Variants in SMC6 observed in about 807,000 individuals in gnomAD.
SMC6 encodes the protein structural maintenance of chromosomes protein 6.
A neutral mutation model predicts 142.2 loss-of-function variants in SMC6; 79 were observed. The ratio of observed to expected loss-of-function variants is 0.56; its 90% CI spans 0.46 to 0.67. The LOEUF (loss-of-function observed/expected upper bound fraction) is 0.67. Among genes scored for constraint, SMC6 ranks in the 30% least tolerant of loss-of-function variants. SMC6 has a pLI of 0.00. For missense variants in SMC6, 1,072 were observed against 1,284.0 expected (o/e 0.83, Z 2.52); for synonymous variants, 411 against 412.4 (o/e 1.00, Z 0.04).
intron 25 of SMC6, among the ~76,000 whole-genome samples, chr2:17,677,363 CACA>C (rs1667039564): frequency 6.6e-6 from 1 of 152,098 alleles, no homozygotes; most frequent in Non-Finnish European, 1.5e-5. Context: ...GCCAACTGTG[CACA>C]ACATCAGAAC....
intron 7 of SMC6, among the ~76,000 whole-genome samples, chr2:17,729,862 G>A (rs544788109): frequency 2.0e-5 from 3 of 152,242 alleles, no homozygotes; most frequent in Admixed American, 1.3e-4. Context: ...AGTTAGTCAA[G>A]AACCACATGT....
chr2:17,741,646 A>G lies in SMC6; in HGVS notation c.204T>C (p.Gly68=). Residue 68 remains glycine (G), a synonymous_variant, in exon 4 of 28, where the codon GGT becomes GGC. Coordinates refer to ENST00000448223, the MANE Select transcript of SMC6 (RefSeq NM_001142286.2). ...CHSMLGPFKF[G]SNVNFVVGNN... ...TGCCAACAACAAAGTTGACATTAGA[A>G]CCAAACTTAAAAGGTCCAAGCATTG... 1 of 1,611,702 alleles carries G rather than the reference A, an allele frequency of 6.2e-7. No individual in the cohort carries two copies. The highest frequency in any genetic ancestry group is 8.5e-7 in the Non-Finnish European group (1 of 1,179,190).
chr2:17,672,909 T>A (rs1666831323), intron 25 of SMC6, among the ~76,000 whole-genome samples: 1 of 152,212 alleles, frequency 6.6e-6, no homozygotes, highest in Non-Finnish European at 1.5e-5. Context: ...TTCAAATATA[T>A]CTGTTTGAGA....
chr2:17,739,385 C>A (rs1384048418), intron 4 of SMC6, among the ~76,000 whole-genome samples: 1 of 152,118 alleles, frequency 6.6e-6, no homozygotes, highest in Admixed American at 6.5e-5. Flanking sequence ...TGGTTCACGC[C>A]TGTAATCACA....
chr2:17,713,391 C>A, intron 16 of SMC6: 1 of 450,998 alleles, frequency 2.2e-6, no homozygotes, highest in Non-Finnish European at 4.5e-6. Flanking sequence ...TCACCTACTT[C>A]CAAGAAAACT....
At chr2:17,706,714 G>A (rs921631916) in intron 18 of SMC6, among the ~76,000 whole-genome samples, 4 of 151,780 alleles carry the variant, frequency 2.6e-5, no homozygotes, top group East Asian at 1.9e-4. Flanking sequence ...ATAGTTTTTC[G>A]TTTAACTTCT....
chr2:17,698,456 AC>A (rs1285783368), intron 21 of SMC6, among the ~76,000 whole-genome samples: 1 of 151,894 alleles, frequency 6.6e-6, no homozygotes, highest in Non-Finnish European at 1.5e-5. Flanking sequence ...GGTGGACTGA[AC>A]CTTTTGTCAT....
At chr2:17,740,715 C>A (rs72497314) in intron 4 of SMC6, 4 of 446,800 alleles carry the variant, frequency 9.0e-6, no homozygotes, top group South Asian at 4.7e-5. Flanking sequence ...ATTAGCCAGG[C>A]TTGAAGGCAC....
At chr2:17,692,109 T>C (rs1667761164) in intron 23 of SMC6, among the ~76,000 whole-genome samples, 1 of 152,094 alleles carries the variant, frequency 6.6e-6, no homozygotes, top group Admixed American at 6.5e-5. Context: ...AGAATCAATA[T>C]CGTGAAAATG....
In SMC6 at chr2:17,700,317, T is replaced by G. The variant is rs1668207589; in HGVS notation, c.2285A>C (p.Gln762Pro). ...TTTAAGATGCTCCATATTTTCTTTT[T>G]GTTGCTCCATATGTTCCTCAACCAT... The part of the protein sequence containing the change: ...MKMVEEHMEQ[Q>P]KENMEHLKSL... Residue 762 changes from glutamine to proline, a missense_variant, in exon 21 of 28, where the codon CAA becomes CCA. By Grantham distance (76) the Gln-to-Pro change is moderately conservative. Transcript: ENST00000448223. 2 of 1,611,794 alleles carry G rather than the reference T, an allele frequency of 1.2e-6. No individual in the cohort carries two copies. Among genetic ancestry groups the G allele is most frequent in the East Asian group, 4.5e-5 (2 of 44,580 alleles).
At position 17,707,318 on chromosome 2, in the gene SMC6, G is replaced by A; in HGVS notation, c.1907C>T (p.Ala636Val). 1.9e-6 allele frequency: 3 copies of A among 1,603,388 alleles called. No homozygotes were observed. The highest frequency in any genetic ancestry group is 1.7e-6 in the Non-Finnish European group (2 of 1,175,340). The change falls in exon 18 of 28, where the codon GCT becomes GTT. Residue 636 changes from alanine (A) to valine (V), a missense_variant. Coordinates refer to ENST00000448223, the MANE Select transcript of SMC6 (RefSeq NM_001142286.2). ...AACTTGATCACCATCAGCAGTAAAAGCTTCTCTACAATTTTTGGGTGGCTT... is the reference window on the plus strand; with the variant it reads ...AACTTGATCACCATCAGCAGTAAAAACTTCTCTACAATTTTTGGGTGGCTT... ...SQKPPKNCRE[A>V]FTADGDQVFA... is the part of the protein sequence containing the mutation.
At chr2:17,701,677 G>A (rs1668278808) in intron 20 of SMC6, 152 bp downstream of exon 20, 1 of 559,582 alleles carries the variant, frequency 1.8e-6, no homozygotes. Flanking sequence ...CTGTATACCA[G>A]GTAGTTTTTA....
At chr2:17,727,899 CAT>C (rs1669710975) in intron 7 of SMC6, among the ~76,000 whole-genome samples, 2 of 152,108 alleles carry the variant, frequency 1.3e-5, no homozygotes, top group African/African-American at 2.4e-5. Context: ...TTACATGTGA[CAT>C]GTTTCTTATT....
Position 17,686,242 on chromosome 2 carries a change from G to A in SMC6, c.2679-2479C>T, listed in dbSNP as rs150789407. Among the ~76,000 whole-genome samples the A allele has an allele frequency of 4.3e-3, 647 of 152,220 alleles. 7 individuals are homozygous for A. The highest frequency in any genetic ancestry group is 0.015 in the African/African-American group (604 of 41,528). Reference sequence around the variant, plus strand: ...GCTGCCTATAATCCCAGCACTTTGGGAGGCAAAGGCAGGAGGATCACTTGA... The same window carrying A: ...GCTGCCTATAATCCCAGCACTTTGGAAGGCAAAGGCAGGAGGATCACTTGA... On this transcript the variant is annotated intron_variant, in intron 23 of 27. Transcript: ENST00000448223.
chr2:17,734,121 A>T, intron 5 of SMC6, among the ~76,000 whole-genome samples: 1 of 152,108 alleles, frequency 6.6e-6, no homozygotes, highest in Non-Finnish European at 1.5e-5. Context: ...GAGGGAGAGG[A>T]AGACAGAGGT....
At chr2:17,701,242 C>T (rs2124937203) in intron 20 of SMC6, among the ~76,000 whole-genome samples, 1 of 152,046 alleles carries the variant, frequency 6.6e-6, no homozygotes, top group East Asian at 1.9e-4. Flanking sequence ...AATATGCTTC[C>T]TGATACAGAG....
rs1021924003 is a variant in SMC6 at position 17,695,200 on chromosome 2, T to C, written c.2630A>G (p.Lys877Arg). ...ATGACTAGCATGTTCTGCCTGTATC[T>C]TCTGCCTTAATCGATTAATTTCTTT... ...LDKEINRLRQ[K>R]IQAEHASHGD... Residue 877 changes from lysine to arginine, a missense_variant, in exon 23 of 28, where the codon AAG becomes AGG. Physicochemically the swap from Lys to Arg is conservative, Grantham distance 26. Transcript: ENST00000448223. The C allele has an allele frequency of 5.0e-6, 8 of 1,613,756 alleles. No homozygotes were observed. The highest frequency in any genetic ancestry group is 5.9e-6 in the Non-Finnish European group (7 of 1,179,842).
chr2:17,683,888 C>T, intron 23 of SMC6, 125 bp from the exon 24 acceptor site: 1 of 803,360 alleles, frequency 1.2e-6, no homozygotes, highest in South Asian at 1.5e-5. Flanking sequence ...GGCCTAGTAG[C>T]AGTCAATTTC....
chr2:17,665,481 G>C lies in SMC6; in HGVS notation c.*18C>G. On this transcript the variant is annotated 3_prime_UTR_variant, in exon 28 of 28. Coordinates refer to ENST00000448223, the MANE Select transcript of SMC6 (RefSeq NM_001142286.2). The stretch of plus-strand genomic sequence containing the variant: ...CACAAATCCTTCAACATCAGGACAA[G>C]GCATGTTAAGTTACAAATCACCTTT... 6.4e-7 allele frequency: 1 copy of C among 1,559,180 alleles called. No homozygotes were observed. Among genetic ancestry groups the C allele is most frequent in the South Asian group, 1.1e-5 (1 of 87,926 alleles).
Sources: gnomAD v4.1 joint callset for allele counts (sites outside exome capture counted in the v4.1 genomes callset) on GRCh38, gnomAD v4.1.1 for gene constraint, MANE v1.5 for transcripts, NCBI Gene and HGNC (gene_info 2026-07-23, HGNC 2026-07-21) for gene names.